Variants in ZPLD1 observed in about 807,000 individuals in gnomAD.
The protein encoded by ZPLD1 is zona pellucida-like domain-containing protein 1.
Under a neutral mutation model 47.2 loss-of-function variants are expected in ZPLD1, and 34 were observed. The ratio of observed to expected loss-of-function variants is 0.72; its 90% confidence interval spans 0.55 to 0.96. The LOEUF (loss-of-function observed/expected upper bound fraction) is 0.96. Among genes scored for constraint, ZPLD1 ranks in the 40% least tolerant of loss-of-function variants. The pLI, the probability that ZPLD1 is intolerant of heterozygous loss-of-function variation, is 0.00. For missense variants in ZPLD1, 512 were observed against 505.8 expected (o/e 1.01, Z -0.12); for synonymous variants, 176 against 186.2 (o/e 0.95, Z 0.45).
chr3:102,431,392 C>A (rs1707014113), upstream of ZPLD1, among the ~76,000 whole-genome samples: 1 of 151,920 alleles, frequency 6.6e-6, no homozygotes, highest in South Asian at 2.1e-4. Context: ...GTGTTTTTTT[C>A]TTTATTTAGC....
Position 102,469,103 on chromosome 3 carries a change from T to G in ZPLD1, c.901T>G (p.Cys301Gly). The G allele has an allele frequency of 6.2e-7, 1 of 1,613,886 alleles. No individual in the cohort carries two copies. The highest frequency in any genetic ancestry group is 2.2e-5 in the East Asian group (1 of 44,880). ...TVFLHCVTKL[C>G]RADDCPFLMP... ...CTTCTTGCACTGCGTTACCAAGCTC[T>G]GCAGAGCAGATGACTGCCCCTTCCT... Residue 301 changes from cysteine (C) to glycine (G), a missense_variant, in exon 9 of 12, where the codon TGC (cysteine) becomes GGC (glycine). Transcript: ENST00000466937.
intron 6 of ZPLD1, among the ~76,000 whole-genome samples, chr3:102,459,492 T>G (rs563347330): frequency 7.9e-5 from 12 of 152,304 alleles, no homozygotes; most frequent in Middle Eastern, 3.4e-3. Context: ...TATTAAGGTC[T>G]TTCTTTTATC....
chr3:102,406,892 G>A (rs1706693506), intron 7 of ZPLD1, among the ~76,000 whole-genome samples: 1 of 151,802 alleles, frequency 6.6e-6, no homozygotes, highest in Non-Finnish European at 1.5e-5. Flanking sequence ...CAATGAGGTG[G>A]TCAGCTTGAA....
At chr3:102,395,125 G>C (rs573231735) in intron 7 of ZPLD1, among the ~76,000 whole-genome samples, 1 of 151,952 alleles carries the variant, frequency 6.6e-6, no homozygotes, top group Non-Finnish European at 1.5e-5. Flanking sequence ...TGCTTGACAA[G>C]GCAGACAAAA....
chr3:102,432,596 GA>G (rs1439925640), upstream of ZPLD1, among the ~76,000 whole-genome samples: 1 of 152,170 alleles, frequency 6.6e-6, no homozygotes, highest in African/African-American at 2.4e-5. Context: ...CTTGAGAGCA[GA>G]TAAAGGCACT....
chr3:102,457,914 G>A (rs997441218), intron 6 of ZPLD1, 61 bp downstream of exon 6: 2 of 1,507,864 alleles, frequency 1.3e-6, no homozygotes, highest in African/African-American at 2.8e-5. Flanking sequence ...TCATTTATGT[G>A]AATGGCTTTT....
intron 7 of ZPLD1, among the ~76,000 whole-genome samples, chr3:102,392,414 C>A (rs573720537): frequency 4.6e-5 from 7 of 152,042 alleles, no homozygotes; most frequent in Admixed American, 6.6e-5. Flanking sequence ...ATGATGAGAA[C>A]CTTCTTGCTG....
chr3:102,441,860 G>C (rs1707183987), intron 3 of ZPLD1, among the ~76,000 whole-genome samples: 1 of 152,114 alleles, frequency 6.6e-6, no homozygotes, highest in South Asian at 2.1e-4. Flanking sequence ...ATCTGTGTTA[G>C]CTGATTTGTT....
intron 8 of ZPLD1, among the ~76,000 whole-genome samples, chr3:102,428,730 G>A (rs577823341): frequency 1.3e-5 from 2 of 150,294 alleles, no homozygotes; most frequent in East Asian, 1.9e-4. Context: ...GTATATATAT[G>A]TTATATATAT....
chr3:102,390,054 C>A (rs1242087083), intron 6 of ZPLD1, among the ~76,000 whole-genome samples: 2 of 152,126 alleles, frequency 1.3e-5, no homozygotes, highest in African/African-American at 4.8e-5. Context: ...ATGTGTTACA[C>A]CCTCCTTATG....
intron 10 of ZPLD1, among the ~76,000 whole-genome samples, chr3:102,470,786 T>C (rs1197294319): frequency 6.6e-6 from 1 of 151,928 alleles, no homozygotes; most frequent in South Asian, 2.1e-4. Context: ...GTTTTATTTA[T>C]TTATTTATTT....
At chr3:102,451,723 GC>G (rs1431048992) in intron 3 of ZPLD1, among the ~76,000 whole-genome samples, 1 of 152,124 alleles carries the variant, frequency 6.6e-6, no homozygotes, top group Non-Finnish European at 1.5e-5. Flanking sequence ...TGGTTTGCCA[GC>G]AACCTTGGGT....
At chr3:102,470,293 A>G in intron 9 of ZPLD1, 101 bp from the exon 10 acceptor site, 1 of 793,396 alleles carries the variant, frequency 1.3e-6, no homozygotes, top group Non-Finnish European at 2.1e-6. Flanking sequence ...AATAAAATTA[A>G]ACATGTGGTA....
chr3:102,443,732 A>G (rs1421896429), intron 3 of ZPLD1, among the ~76,000 whole-genome samples: 1 of 152,226 alleles, frequency 6.6e-6, no homozygotes, highest in Non-Finnish European at 1.5e-5. Flanking sequence ...AGTAAAATGA[A>G]CTGTCTAATT....
At chr3:102,394,772 G>C (rs1210673591) in intron 7 of ZPLD1, among the ~76,000 whole-genome samples, 2 of 152,064 alleles carry the variant, frequency 1.3e-5, no homozygotes, top group Non-Finnish European at 2.9e-5. Flanking sequence ...TTGATTTGGT[G>C]TCACATTTGC....
At chr3:102,455,058 A>G (rs981349553) in intron 4 of ZPLD1, among the ~76,000 whole-genome samples, 4 of 152,188 alleles carry the variant, frequency 2.6e-5, no homozygotes, top group Non-Finnish European at 5.9e-5. Flanking sequence ...GTTGGCTACT[A>G]AGTCTCTGGA....
chr3:102,393,563 G>C (rs1706524566), intron 7 of ZPLD1, among the ~76,000 whole-genome samples: 1 of 151,854 alleles, frequency 6.6e-6, no homozygotes, highest in African/African-American at 2.4e-5. Context: ...GACATTCTGA[G>C]GGCAAGAAGG....
At chr3:102,449,810 T>C (rs1425104001) in intron 3 of ZPLD1, among the ~76,000 whole-genome samples, 1 of 152,160 alleles carries the variant, frequency 6.6e-6, no homozygotes, top group Non-Finnish European at 1.5e-5. Context: ...AATCTGTGGT[T>C]TCAGGCACCC....
chr3:102,456,555 A>G (rs1396578718), intron 5 of ZPLD1, among the ~76,000 whole-genome samples, 181 bp downstream of exon 5: 2 of 112,762 alleles, frequency 1.8e-5, no homozygotes, highest in Middle Eastern at 5.1e-3. Flanking sequence ...ATATCTATCT[A>G]TCTATCTATC....
Sources: gnomAD v4.1 joint callset for allele counts (sites outside exome capture counted in the v4.1 genomes callset) on GRCh38, gnomAD v4.1.1 for gene constraint, MANE v1.5 for transcripts, NCBI Gene and HGNC (gene_info 2026-07-23, HGNC 2026-07-21) for gene names.